SIL1: variants seen among roughly 807,000 people sequenced by gnomAD.
SIL1 encodes the protein SIL1 nucleotide exchange factor.
A neutral mutation model predicts 49.1 loss-of-function variants in SIL1; 40 were observed. The observed-to-expected ratio is 0.81, with a 90% CI of 0.63 to 1.06. The LOEUF (loss-of-function observed/expected upper bound fraction) is 1.06. Ranked by LOEUF, SIL1 falls within the 50% of genes least tolerant of loss-of-function variation. SIL1 has a pLI of 0.00. For synonymous variants in SIL1, 253 were observed against 250.8 expected, an observed-to-expected ratio of 1.01 and a Z score of -0.08; for missense variants, 500 against 572.6, an observed-to-expected ratio of 0.87 and a Z score of 1.29.
At chr5:139,197,084 C>T (rs1429470259) in intron 1 of SIL1, among the ~76,000 whole-genome samples, 2 of 151,978 alleles carry the variant, frequency 1.3e-5, no homozygotes, top group Non-Finnish European at 2.9e-5. Flanking sequence ...GCCTGATCAA[C>T]ATGGAGAAAC....
intron 1 of SIL1, among the ~76,000 whole-genome samples, chr5:139,136,941 C>T (rs1750986340): frequency 6.6e-6 from 1 of 152,166 alleles, no homozygotes; most frequent in African/African-American, 2.4e-5. Flanking sequence ...GTCACTCCAG[C>T]AGAAGGAGGG....
At chr5:139,112,424 C>T (rs144497630) in intron 3 of SIL1, among the ~76,000 whole-genome samples, 40,820 of 150,876 alleles carry the variant, frequency 0.27, 6,071 homozygotes, top group Middle Eastern at 0.38. Context: ...GGCTGCCCAT[C>T]GTCTGAGATG....
chr5:139,162,805 A>C (rs1426035928), intron 1 of SIL1, among the ~76,000 whole-genome samples: 1 of 152,182 alleles, frequency 6.6e-6, no homozygotes, highest in African/African-American at 2.4e-5. Flanking sequence ...TACTCTCATG[A>C]AACTTACGTT....
rs181228514 is a variant in SIL1 at position 139,189,243 on chromosome 5, C to T, written c.-11+9026G>A. 4.3e-3 allele frequency among the ~76,000 whole-genome samples: 650 copies of T among 152,334 alleles called. 2 individuals carry two copies. Among genetic ancestry groups the T allele is most frequent in the African/African-American group, 0.015 (622 of 41,568 alleles). ...GTGAGCAGCAAGTGAGTGAGCAAAGCTTCATCTGTATTTACAGCTGCTCCC... is the reference window on the plus strand; with the variant it reads ...GTGAGCAGCAAGTGAGTGAGCAAAGTTTCATCTGTATTTACAGCTGCTCCC... On this transcript the variant is annotated intron_variant, in intron 1 of 9. Coordinates refer to ENST00000394817, the MANE Select transcript of SIL1 (RefSeq NM_022464.5).
chr5:138,963,117 G>A (rs923248829), intron 7 of SIL1, among the ~76,000 whole-genome samples: 1 of 152,168 alleles, frequency 6.6e-6, no homozygotes, highest in Non-Finnish European at 1.5e-5. Flanking sequence ...TACTCAGTTG[G>A]TGGTATAACT....
intron 3 of SIL1, among the ~76,000 whole-genome samples, chr5:139,086,914 C>T (rs1049903225): frequency 2.0e-5 from 3 of 151,688 alleles, no homozygotes; most frequent in Non-Finnish European, 4.4e-5. Flanking sequence ...GAGTTGGGAT[C>T]GCGCCATTGA....
At position 139,191,221 on chromosome 5, in the gene SIL1, C is replaced by CAA. The variant is rs773259762; in HGVS notation, c.-11+7046_-11+7047dup. On this transcript the variant is annotated intron_variant, in intron 1 of 9. Transcript: ENST00000394817. ...CCTGGGTGACAGTGAGACTCTGTCTCAAAAAAAAAAAAAAAAAAAAAAAAG... is the reference window on the plus strand; with the variant it reads ...CCTGGGTGACAGTGAGACTCTGTCTCAAAAAAAAAAAAAAAAAAAAAAAAAAG... 3.6e-3 allele frequency among the ~76,000 whole-genome samples: 245 copies of CAA among 67,620 alleles called. 1 individual carries two copies. The highest frequency in any genetic ancestry group is 9.5e-3 in the East Asian group (15 of 1,582). The allele number at this position is 67,620 out of a possible 152,430, so 44.4% of individuals were successfully genotyped here. A position where few individuals can be genotyped will look rare whatever the true frequency, so the allele number is the denominator to read the frequency against.
intron 3 of SIL1, among the ~76,000 whole-genome samples, chr5:139,100,896 A>C (rs1770572141): frequency 6.6e-6 from 1 of 152,016 alleles, no homozygotes; most frequent in South Asian, 2.1e-4. Context: ...GATGGATCTG[A>C]AGTTCAGAGA....
intron 3 of SIL1, among the ~76,000 whole-genome samples, chr5:139,103,897 G>A (rs1770646496): frequency 6.6e-6 from 1 of 152,192 alleles, no homozygotes; most frequent in African/African-American, 2.4e-5. Flanking sequence ...ATTTGCTGCA[G>A]GCCTGGGAAG....
intron 3 of SIL1, among the ~76,000 whole-genome samples, chr5:139,057,195 T>G (rs1581065946): frequency 6.7e-6 from 1 of 150,046 alleles, no homozygotes; most frequent in African/African-American, 2.5e-5. Flanking sequence ...GGCCGCAGAG[T>G]CCTCTGCCTA....
intron 1 of SIL1, among the ~76,000 whole-genome samples, chr5:139,172,133 C>G (rs1441918632): frequency 1.3e-5 from 2 of 152,096 alleles, no homozygotes; most frequent in African/African-American, 2.4e-5. Flanking sequence ...TCAAGCAGAC[C>G]AACATACACA....
chr5:139,094,448 A>G (rs1770410739), intron 3 of SIL1, among the ~76,000 whole-genome samples: 2 of 152,256 alleles, frequency 1.3e-5, no homozygotes, highest in African/African-American at 4.8e-5. Flanking sequence ...AACACTAAGT[A>G]AAATCTATAG....
chr5:139,057,314 T>TTAAAAAAAAAA lies in SIL1; in HGVS notation c.245-6269_245-6268insTTTTTTTTTTA, dbSNP rs781049621. Among the ~76,000 whole-genome samples, 224 of 73,220 alleles carry TTAAAAAAAAAA rather than the reference T, an allele frequency of 3.1e-3. 23 individuals are homozygous for TTAAAAAAAAAA. The highest frequency in any genetic ancestry group is 7.2e-3 in the African/African-American group (118 of 16,488). 48.0% of individuals were successfully genotyped at this position (73,220 alleles called of 152,430 possible). A position where few individuals can be genotyped will look rare whatever the true frequency, so the allele number is the denominator to read the frequency against. On this transcript the variant is annotated intron_variant, in intron 3 of 9. Transcript: ENST00000394817. ...GCGAGAAACACCCAAGAATGATCAA[T>TTAAAAAAAAAA]AAAAAAAAAAAAAAGAAAAGAAAAG...
intron 1 of SIL1, among the ~76,000 whole-genome samples, chr5:139,179,357 CT>C (rs1751940969): frequency 6.6e-6 from 1 of 152,184 alleles, no homozygotes; most frequent in Non-Finnish European, 1.5e-5. Context: ...ATTTTAAACC[CT>C]CTTTTACTCC....
intron 1 of SIL1, chr5:139,155,477 G>GAGAGAGAGAGAGAGAGAGAGAA (rs765537884): frequency 6.6e-6 from 1 of 151,556 alleles, no homozygotes; most frequent in East Asian, 1.9e-4. Context: ...GAGAGAGAGA[G>GAGAGAGAGAGAGAGAGAGAGAA]AACGAGCTCT....
rs926116266 is a variant in SIL1 at position 139,057,323 on chromosome 5, AAAAAAG to A, written c.245-6283_245-6278del. ...ACCCAAGAATGATCAATAAAAAAAA[AAAAAAG>A]AAAAGAAAAGAACATCACTGCTAGC... On this transcript the variant is annotated intron_variant, in intron 3 of 9. Coordinates refer to ENST00000394817, the MANE Select transcript of SIL1 (RefSeq NM_022464.5). Among the ~76,000 whole-genome samples the A allele has an allele frequency of 9.5e-5, 14 of 147,048 alleles. 2 individuals carry two copies. The highest frequency in any genetic ancestry group is 1.5e-4 in the Non-Finnish European group (10 of 66,736).
intron 1 of SIL1, among the ~76,000 whole-genome samples, chr5:139,162,312 A>G (rs1751528746): frequency 6.6e-6 from 1 of 152,212 alleles, no homozygotes; most frequent in Non-Finnish European, 1.5e-5. Flanking sequence ...ACTACAAAAA[A>G]TGTCAGTAAA....
At chr5:139,171,425 A>T (rs1197384529) in intron 1 of SIL1, among the ~76,000 whole-genome samples, 1 of 152,226 alleles carries the variant, frequency 6.6e-6, no homozygotes, top group Non-Finnish European at 1.5e-5. Context: ...TCTCTGAAAC[A>T]TGTGCTGTGT....
chr5:139,032,287 G>A (rs773300179), intron 5 of SIL1, among the ~76,000 whole-genome samples: 22 of 152,112 alleles, frequency 1.4e-4, no homozygotes, highest in Non-Finnish European at 2.8e-4. Flanking sequence ...TACTGAATAT[G>A]GTCAAATGCT....
Sources: allele counts gnomAD v4.1 joint callset (sites outside exome capture counted in the v4.1 genomes callset), GRCh38; gene constraint gnomAD v4.1.1; transcripts MANE v1.5; gene names NCBI Gene and HGNC (gene_info 2026-07-23, HGNC 2026-07-21).